The following REDIC1 variants were observed in gnomAD, a reference collection of about 807,000 sequenced individuals.
The protein encoded by REDIC1 is HEI10 Interacting Protein 1.
At chr12:39,905,906 C>T in the REDIC1 span, among the ~76,000 whole-genome samples, 1 of 151,480 alleles carries the variant, frequency 6.6e-6, no homozygotes, top group Non-Finnish European at 1.5e-5. Context: ...TTTAACACCT[C>T]TTTAGCTGTG....
the REDIC1 span, among the ~76,000 whole-genome samples, chr12:39,810,535 T>C: frequency 1.3e-5 from 2 of 152,086 alleles, no homozygotes; most frequent in Non-Finnish European, 2.9e-5. Flanking sequence ...GTGTTAAGAG[T>C]AGACATTCTC....
chr12:39,792,781 T>C, the REDIC1 span, among the ~76,000 whole-genome samples: 4 of 140,740 alleles, frequency 2.8e-5, no homozygotes, highest in Non-Finnish European at 6.1e-5. Context: ...CCCACTGATA[T>C]GGAGGGCTGG....
the REDIC1 span, among the ~76,000 whole-genome samples, chr12:39,688,357 A>G: frequency 6.6e-6 from 1 of 152,380 alleles, no homozygotes; most frequent in South Asian, 2.1e-4. Flanking sequence ...CACAGTATCA[A>G]TAAGTTGTTT....
chr12:39,754,754 T>C, the REDIC1 span, among the ~76,000 whole-genome samples: 1 of 152,080 alleles, frequency 6.6e-6, no homozygotes, highest in African/African-American at 2.4e-5. Flanking sequence ...ACAATAACTA[T>C]AATTATTACT....
At chr12:39,637,962 T>C in the REDIC1 span, among the ~76,000 whole-genome samples, 1 of 152,046 alleles carries the variant, frequency 6.6e-6, no homozygotes, top group Non-Finnish European at 1.5e-5. Context: ...ATTGTAGCAG[T>C]GTAGTAGACA....
the REDIC1 span, among the ~76,000 whole-genome samples, chr12:39,670,143 C>G: frequency 6.6e-6 from 1 of 152,132 alleles, no homozygotes; most frequent in Non-Finnish European, 1.5e-5. Flanking sequence ...GTGTAGCTCA[C>G]GCTGGGAGCT....
At chr12:39,788,064 CTTG>C in the REDIC1 span, among the ~76,000 whole-genome samples, 4 of 152,100 alleles carry the variant, frequency 2.6e-5, no homozygotes, top group South Asian at 2.1e-4. Context: ...ATTACTCATA[CTTG>C]TTGTGGGGTA....
chr12:39,731,103 G>T, the REDIC1 span, among the ~76,000 whole-genome samples: 1 of 152,002 alleles, frequency 6.6e-6, no homozygotes. Flanking sequence ...TAGAACACGC[G>T]TCTTTAGCTC....
At chr12:39,658,065 C>A in the REDIC1 span, among the ~76,000 whole-genome samples, 2 of 143,508 alleles carry the variant, frequency 1.4e-5, no homozygotes, top group Admixed American at 7.4e-5. Flanking sequence ...ATTATGTTTT[C>A]ATTTTTATTC....
At chr12:39,815,504 C>T in the REDIC1 span, among the ~76,000 whole-genome samples, 7 of 152,198 alleles carry the variant, frequency 4.6e-5, no homozygotes, top group Non-Finnish European at 7.3e-5. Flanking sequence ...CTAACATTCA[C>T]ATGCACTGAG....
At chr12:39,886,109 A>G in the REDIC1 span, among the ~76,000 whole-genome samples, 8 of 152,208 alleles carry the variant, frequency 5.3e-5, no homozygotes, top group African/African-American at 1.9e-4. Flanking sequence ...AGACCTTTCA[A>G]TTGACAGAGA....
the REDIC1 span, among the ~76,000 whole-genome samples, chr12:39,713,437 CATATACAT>C: frequency 7.0e-6 from 1 of 142,510 alleles, no homozygotes; most frequent in Non-Finnish European, 1.6e-5. Context: ...TATATGTGTA[CATATACAT>C]ATGTATACAT....
the REDIC1 span, among the ~76,000 whole-genome samples, chr12:39,895,551 T>TATACAC: frequency 1.3e-3 from 84 of 66,758 alleles, 12 homozygotes; most frequent in African/African-American, 4.9e-3. Flanking sequence ...TATATATATA[T>TATACAC]ACACACACAC....
chr12:39,812,715 A>T, the REDIC1 span, among the ~76,000 whole-genome samples: 2 of 150,974 alleles, frequency 1.3e-5, no homozygotes, highest in Admixed American at 1.3e-4. Flanking sequence ...CAAGTGATCC[A>T]CCTGCCTCAG....
chr12:39,894,857 A>T, the REDIC1 span, among the ~76,000 whole-genome samples: 1,763 of 152,302 alleles, frequency 0.012, 27 homozygotes, highest in African/African-American at 0.039. Flanking sequence ...CAAAGAAAAA[A>T]GGGAGAAAAG....
chr12:39,703,342 C>A, the REDIC1 span, among the ~76,000 whole-genome samples: 20 of 150,328 alleles, frequency 1.3e-4, no homozygotes, highest in East Asian at 2.7e-3. Flanking sequence ...CAATTGCTTC[C>A]AAGAGAATAA....
chr12:39,841,667 T>G, the REDIC1 span, among the ~76,000 whole-genome samples: 1 of 152,188 alleles, frequency 6.6e-6, no homozygotes, highest in Admixed American at 6.5e-5. Context: ...AAAATCAGAT[T>G]TGCATATAAT....
At chr12:39,643,930 A>T in the REDIC1 span, 1 of 1,509,462 alleles carries the variant, frequency 6.6e-7, no homozygotes, top group Non-Finnish European at 9.0e-7. Context: ...AAGTCATTCC[A>T]ATTGCATTCT....
chr12:39,796,915 T>C, the REDIC1 span, among the ~76,000 whole-genome samples: 1 of 152,198 alleles, frequency 6.6e-6, no homozygotes, highest in African/African-American at 2.4e-5. Context: ...TGAAGCTGCT[T>C]ATTAAAGAAT....
Sources: gnomAD v4.1 joint callset for allele counts (sites outside exome capture counted in the v4.1 genomes callset) on GRCh38, gnomAD v4.1.1 for gene constraint, MANE v1.5 for transcripts, NCBI Gene and HGNC (gene_info 2026-07-23, HGNC 2026-07-21) for gene names.